ZNF385D: variants seen among roughly 807,000 people sequenced by gnomAD.
ZNF385D encodes the protein zinc finger protein 385D.
Under a neutral mutation model 35.8 loss-of-function variants are expected in ZNF385D, and 15 were observed. The ratio of observed to expected loss-of-function variants is 0.42; its 90% CI spans 0.28 to 0.64. The LOEUF (loss-of-function observed/expected upper bound fraction) is 0.64. Among genes scored for constraint, ZNF385D ranks in the 30% least tolerant of loss-of-function variants. ZNF385D has a pLI of 0.23. For synonymous variants in ZNF385D, 212 were observed against 186.8 expected (o/e 1.13, Z -1.10); for missense variants, 474 against 494.6 (o/e 0.96, Z 0.39).
chr3:22,279,830 G>T (rs192576539), intron 2 of ZNF385D, among the ~76,000 whole-genome samples: 13 of 151,960 alleles, frequency 8.6e-5, no homozygotes, highest in African/African-American at 2.4e-4. Flanking sequence ...TCAAATGGCA[G>T]ATCTACTTTT....
chr3:22,037,807 G>T (rs990406068), intron 3 of ZNF385D, among the ~76,000 whole-genome samples: 1 of 152,076 alleles, frequency 6.6e-6, no homozygotes, highest in African/African-American at 2.4e-5. Context: ...GAATGGTATT[G>T]CCTAGGTTTT....
intron 2 of ZNF385D, among the ~76,000 whole-genome samples, chr3:21,583,959 C>T (rs4102413): frequency 0.47 from 64,702 of 137,962 alleles, 14,820 homozygotes; most frequent in East Asian, 0.56. Flanking sequence ...TACTTATTTA[C>T]TTATTTATTT....
chr3:21,460,816 G>A (rs953612034), intron 4 of ZNF385D, among the ~76,000 whole-genome samples: 4 of 152,026 alleles, frequency 2.6e-5, no homozygotes, highest in Non-Finnish European at 5.9e-5. Flanking sequence ...CAATTAATTA[G>A]GGCCACTGAA....
At chr3:22,141,894 T>C (rs1704526464) in intron 3 of ZNF385D, among the ~76,000 whole-genome samples, 2 of 152,224 alleles carry the variant, frequency 1.3e-5, no homozygotes, top group African/African-American at 4.8e-5. Flanking sequence ...AAGACAGTAC[T>C]GTTTGCCTTG....
At chr3:21,739,380 G>C (rs1340225027) in intron 1 of ZNF385D, among the ~76,000 whole-genome samples, 1 of 152,188 alleles carries the variant, frequency 6.6e-6, no homozygotes, top group African/African-American at 2.4e-5. Flanking sequence ...CCTTGACTGT[G>C]TGTGTTGTTT....
intron 2 of ZNF385D, among the ~76,000 whole-genome samples, chr3:22,323,351 G>A (rs1694531601): frequency 1.3e-5 from 2 of 152,036 alleles, no homozygotes; most frequent in Admixed American, 6.6e-5. Flanking sequence ...TGCTAATAAG[G>A]CCCCACAAAG....
intron 2 of ZNF385D, among the ~76,000 whole-genome samples, chr3:22,200,727 A>G (rs1490744152): frequency 6.6e-6 from 1 of 152,062 alleles, no homozygotes; most frequent in Admixed American, 6.6e-5. Flanking sequence ...GCCATAAAAG[A>G]TGGCCATGCC....
chr3:21,853,866 C>G (rs1422625380), intron 3 of ZNF385D, among the ~76,000 whole-genome samples: 1 of 151,266 alleles, frequency 6.6e-6, no homozygotes, highest in Non-Finnish European at 1.5e-5. Flanking sequence ...TGTATAATTC[C>G]ATGTATATGA....
chr3:22,261,215 G>A (rs1291086908), intron 2 of ZNF385D, among the ~76,000 whole-genome samples: 1 of 151,910 alleles, frequency 6.6e-6, no homozygotes, highest in African/African-American at 2.4e-5. Flanking sequence ...GTTAAGGGGT[G>A]AGACCAGACC....
At chr3:21,732,758 C>T (rs568017081) in intron 1 of ZNF385D, among the ~76,000 whole-genome samples, 2 of 152,230 alleles carry the variant, frequency 1.3e-5, no homozygotes, top group East Asian at 3.9e-4. Flanking sequence ...TTATTCTTGA[C>T]CTTGAAGTGT....
At chr3:22,361,092 C>T (rs1307021539) in intron 2 of ZNF385D, among the ~76,000 whole-genome samples, 1 of 152,012 alleles carries the variant, frequency 6.6e-6, no homozygotes, top group Non-Finnish European at 1.5e-5. Flanking sequence ...ATCACAAACA[C>T]ATCTGGGAAA....
intron 2 of ZNF385D, among the ~76,000 whole-genome samples, chr3:22,256,363 C>T (rs1700318146): frequency 6.6e-6 from 1 of 151,558 alleles, no homozygotes; most frequent in African/African-American, 2.4e-5. Context: ...TTTTTATGCT[C>T]TGTCATTCAT....
chr3:22,352,387 C>CT (rs1695956126), intron 2 of ZNF385D, among the ~76,000 whole-genome samples: 1 of 152,176 alleles, frequency 6.6e-6, no homozygotes, highest in South Asian at 2.1e-4. Flanking sequence ...GCAGAGCCTC[C>CT]TTTCACAATC....
At chr3:22,142,095 G>T (rs374482396) in intron 3 of ZNF385D, among the ~76,000 whole-genome samples, 1 of 152,282 alleles carries the variant, frequency 6.6e-6, no homozygotes, top group East Asian at 1.9e-4. Flanking sequence ...CAGGCACAAA[G>T]AGCTTGAAAG....
At chr3:21,635,805 C>A (rs1419224891) in intron 2 of ZNF385D, among the ~76,000 whole-genome samples, 2 of 152,058 alleles carry the variant, frequency 1.3e-5, no homozygotes, top group Non-Finnish European at 2.9e-5. Flanking sequence ...TGAGAACATA[C>A]GATGTTTGGT....
intron 1 of ZNF385D, among the ~76,000 whole-genome samples, chr3:21,717,944 C>T (rs1017117749): frequency 1.4e-4 from 22 of 152,186 alleles, no homozygotes; most frequent in African/African-American, 5.3e-4. Flanking sequence ...TCGTCTGCAT[C>T]AGATTCATCA....
intron 1 of ZNF385D, among the ~76,000 whole-genome samples, chr3:21,733,791 A>G (rs912961052): frequency 1.3e-5 from 2 of 152,136 alleles, no homozygotes; most frequent in African/African-American, 4.8e-5. Flanking sequence ...AATCCACTTT[A>G]CTTATTTGTC....
chr3:21,963,750 TTTC>T (rs1429925917), intron 3 of ZNF385D, among the ~76,000 whole-genome samples: 1 of 152,150 alleles, frequency 6.6e-6, no homozygotes, highest in Non-Finnish European at 1.5e-5. Context: ...ACTTTATGTT[TTTC>T]TTCTCCTCAG....
At chr3:22,096,328 A>AT (rs5847165) in intron 3 of ZNF385D, among the ~76,000 whole-genome samples, 56,502 of 150,132 alleles carry the variant, frequency 0.38, 10,865 homozygotes, top group Middle Eastern at 0.49. Flanking sequence ...AGTTGAAACT[A>AT]TTTTTTTAAA....
Sources: gnomAD v4.1 joint callset for allele counts (sites outside exome capture counted in the v4.1 genomes callset) on GRCh38, gnomAD v4.1.1 for gene constraint, MANE v1.5 for transcripts, NCBI Gene and HGNC (gene_info 2026-07-23, HGNC 2026-07-21) for gene names.